KAZN: variants seen among roughly 807,000 people sequenced by gnomAD.
The protein encoded by KAZN is kazrin.
In KAZN, 40 loss-of-function variants were observed where a neutral mutation model predicts 87.4. The ratio of observed to expected loss-of-function variants is 0.46; its 90% CI spans 0.36 to 0.60. The LOEUF (loss-of-function observed/expected upper bound fraction) is 0.60. Among genes scored for constraint, KAZN ranks in the 20% least tolerant of loss-of-function variants. The pLI is 0.00. For missense variants in KAZN, 898 were observed against 1,073.9 expected, an observed-to-expected ratio of 0.84 and a Z score of 2.29; for synonymous variants, 466 against 458.3, an observed-to-expected ratio of 1.02 and a Z score of -0.22.
At chr1:14,863,879 T>A (rs1336249376) in intron 1 of KAZN, among the ~76,000 whole-genome samples, 1 of 152,132 alleles carries the variant, frequency 6.6e-6, no homozygotes, top group South Asian at 2.1e-4. Flanking sequence ...CCAGAGTGCA[T>A]GCAGTGTGTT....
At chr1:14,528,469 G>A (rs374283985) in intron 2 of KAZN, among the ~76,000 whole-genome samples, 16 of 151,384 alleles carry the variant, frequency 1.1e-4, no homozygotes, top group Non-Finnish European at 1.8e-4. Context: ...ACCTATCCAC[G>A]TGATGACCTT....
At chr1:14,804,725 C>G (rs1395943734) in intron 1 of KAZN, among the ~76,000 whole-genome samples, 3 of 152,188 alleles carry the variant, frequency 2.0e-5, no homozygotes, top group Non-Finnish European at 4.4e-5. Context: ...TGCACAGATA[C>G]AGGTAAGGAG....
chr1:15,116,826 G>A lies in KAZN; in HGVS notation c.*2191G>A, dbSNP rs1207756938. 1 of 152,244 alleles carries A rather than the reference G, an allele frequency of 6.6e-6. No homozygotes were observed. Among genetic ancestry groups the A allele is most frequent in the East Asian group, 1.9e-4 (1 of 5,190 alleles). 9.4% of individuals were successfully genotyped at this position (152,244 alleles called of 1,614,324 possible). ...GTCAGAAATGGCACTTACATGGTTC[G>A]ATCTTGCTGGAGACAAGTGGACAAT... On this transcript the variant is annotated 3_prime_UTR_variant, in exon 15 of 15. Coordinates refer to ENST00000376030, the MANE Select transcript of KAZN (RefSeq NM_201628.3).
At chr1:14,918,691 AAAAAAAAAAAAAAAAAATATATATATAT>A (rs1265561753) in intron 1 of KAZN, among the ~76,000 whole-genome samples, 30 of 18,666 alleles carry the variant, frequency 1.6e-3, no homozygotes, top group Admixed American at 4.8e-3. Context: ...AAAAAAAAAA[AAAAAAAAAAAAAAAAAATATATATATAT>A]ATATATATAT....
At chr1:14,205,221 A>G (rs186634870) in intron 2 of KAZN, among the ~76,000 whole-genome samples, 16 of 152,282 alleles carry the variant, frequency 1.1e-4, no homozygotes, top group Non-Finnish European at 2.9e-5. Flanking sequence ...AGGCTGGAAA[A>G]TGTAATTCAG....
At position 14,428,786 on chromosome 1, in the gene KAZN, T is replaced by TG. The variant is rs535599548; in HGVS notation, c.250-170192dup. Among the ~76,000 whole-genome samples, 575 of 152,124 alleles carry TG rather than the reference T, an allele frequency of 3.8e-3. 6 individuals are homozygous for TG. The highest frequency in any genetic ancestry group is 0.013 in the African/African-American group (560 of 41,488). On this transcript the variant is annotated intron_variant, in intron 2 of 16. Transcript: ENST00000636203. ...CTCACTCACTATCACGAGAACAGTA[T>TG]GGGGGAAACCACCCCCATGATTCAA...
chr1:14,589,552 C>T (rs2148577722), intron 2 of KAZN, among the ~76,000 whole-genome samples: 1 of 152,312 alleles, frequency 6.6e-6, no homozygotes, highest in Non-Finnish European at 1.5e-5. Context: ...CACCATTTGG[C>T]AAATACAGAT....
chr1:14,381,008 T>C (rs904499060), intron 2 of KAZN, among the ~76,000 whole-genome samples: 1 of 152,174 alleles, frequency 6.6e-6, no homozygotes, highest in Non-Finnish European at 1.5e-5. Context: ...TCTGGCAACA[T>C]AGTCCTTCCC....
chr1:14,368,488 C>T (rs575059507), intron 2 of KAZN, among the ~76,000 whole-genome samples: 4 of 152,300 alleles, frequency 2.6e-5, no homozygotes, highest in Admixed American at 6.5e-5. Context: ...TTTTGCCAAC[C>T]GTACAATCAG....
intron 1 of KAZN, among the ~76,000 whole-genome samples, chr1:14,686,974 C>T (rs776553748): frequency 2.0e-4 from 30 of 152,246 alleles, no homozygotes; most frequent in East Asian, 3.9e-4. Flanking sequence ...CCTGCAGAGG[C>T]GGCTGGGAAA....
At chr1:14,728,808 A>T (rs1298411950) in intron 1 of KAZN, among the ~76,000 whole-genome samples, 1 of 152,188 alleles carries the variant, frequency 6.6e-6, no homozygotes, top group Non-Finnish European at 1.5e-5. Flanking sequence ...TCCAGACCAC[A>T]GTGTCCTCAT....
rs368955592 is a variant in KAZN at position 14,393,457 on chromosome 1, T to C, written c.250-205526T>C. 1.1e-3 allele frequency among the ~76,000 whole-genome samples: 174 copies of C among 152,306 alleles called. 3 individuals are homozygous for C. In the South Asian group the frequency reaches 0.035, roughly 31 times the overall value. On this transcript the variant is annotated intron_variant, in intron 2 of 16. Coordinates refer to the KAZN transcript ENST00000636203. ...GCATTTTAGAGAAGCCGTTTGGTAC[T>C]GAGGATCCTCTGTGTGCCTTTGGGG...
intron 1 of KAZN, among the ~76,000 whole-genome samples, chr1:14,115,813 G>A (rs1644604194): frequency 6.6e-6 from 1 of 152,172 alleles, no homozygotes; most frequent in Non-Finnish European, 1.5e-5. Flanking sequence ...TGCCCAAAAT[G>A]CTGATAGCGA....
chr1:14,019,015 A>G (rs1344343961), intron 1 of KAZN, among the ~76,000 whole-genome samples: 1 of 152,136 alleles, frequency 6.6e-6, no homozygotes, highest in Non-Finnish European at 1.5e-5. Flanking sequence ...CATATCCTTG[A>G]TTCTGTCTCT....
intron 1 of KAZN, among the ~76,000 whole-genome samples, chr1:14,052,496 T>A (rs1299072284): frequency 2.6e-5 from 4 of 151,772 alleles, no homozygotes; most frequent in Non-Finnish European, 5.9e-5. Flanking sequence ...CCTGTGATGC[T>A]GAAAAGTTAT....
At position 14,697,890 on chromosome 1, in the gene KAZN, G is replaced by A. The variant is rs367666904; in HGVS notation, c.226+98667G>A. Among the ~76,000 whole-genome samples the A allele has an allele frequency of 3.3e-5, 5 of 152,286 alleles. No individual in the cohort carries two copies. The East Asian group carries it at 7.7e-4, about 24-fold the overall frequency. ...AGCTCCTCACACATCTCATTCTAAT[G>A]TAGCTCTTGCCAAAGGATCCAGCAG... On this transcript the variant is annotated intron_variant, in intron 1 of 14. Coordinates refer to ENST00000376030, the MANE Select transcript of KAZN (RefSeq NM_201628.3).
intron 1 of KAZN, among the ~76,000 whole-genome samples, chr1:14,830,496 T>G (rs575054755): frequency 6.6e-6 from 1 of 152,222 alleles, no homozygotes; most frequent in African/African-American, 2.4e-5. Context: ...CACACTGTTG[T>G]AAAGAACTAC....
intron 2 of KAZN, among the ~76,000 whole-genome samples, chr1:14,412,134 A>G (rs1443039616): frequency 6.6e-6 from 1 of 152,218 alleles, no homozygotes; most frequent in African/African-American, 2.4e-5. Context: ...TGTACAAAGA[A>G]AAGACGTGAC....
intron 1 of KAZN, among the ~76,000 whole-genome samples, chr1:14,941,642 G>A (rs535956867): frequency 4.1e-4 from 62 of 152,312 alleles, no homozygotes; most frequent in African/African-American, 1.4e-3. Context: ...GAGAAGATGC[G>A]AATTTCGAAG....
Sources: gnomAD v4.1 joint callset for allele counts (sites outside exome capture counted in the v4.1 genomes callset) on GRCh38, gnomAD v4.1.1 for gene constraint, MANE v1.5 for transcripts, NCBI Gene and HGNC (gene_info 2026-07-23, HGNC 2026-07-21) for gene names.